Variants in CTNNA2 observed in about 807,000 individuals in gnomAD.
CTNNA2 encodes catenin alpha-2.
In CTNNA2, 42 loss-of-function variants were observed where a neutral mutation model predicts 101.0. That is an observed-to-expected ratio of 0.42 (90% CI 0.32 to 0.54). CTNNA2 has a LOEUF of 0.54. Among genes scored for constraint, CTNNA2 ranks in the 20% least tolerant of loss-of-function variants. The pLI, the probability that CTNNA2 is intolerant of heterozygous loss-of-function variation, is 0.14. For missense variants in CTNNA2, 871 were observed against 1,223.1 expected (o/e 0.71, Z 4.29); for synonymous variants, 450 against 456.4 (o/e 0.99, Z 0.18).
chr2:80,418,812 G>C (rs1225846549), intron 8 of CTNNA2, among the ~76,000 whole-genome samples: 6 of 152,172 alleles, frequency 3.9e-5, no homozygotes, highest in Non-Finnish European at 7.3e-5. Flanking sequence ...TTTTAACAAT[G>C]TGGGAATGAT....
intron 2 of CTNNA2, among the ~76,000 whole-genome samples, chr2:79,272,451 A>G (rs560025887): frequency 2.6e-4 from 40 of 152,208 alleles, no homozygotes; most frequent in South Asian, 4.1e-4. Flanking sequence ...ACATCACATA[A>G]TGTTCCTAGC....
chr2:80,475,605 G>A (rs771715212), intron 9 of CTNNA2, among the ~76,000 whole-genome samples: 1 of 152,086 alleles, frequency 6.6e-6, no homozygotes, highest in Non-Finnish European at 1.5e-5. Context: ...GTGGAGGTGG[G>A]AGATTAGGTG....
chr2:79,536,574 A>AGTGTGT lies in CTNNA2; in HGVS notation c.-6+23390_-6+23395dup, dbSNP rs61029469. On this transcript the variant is annotated intron_variant, in intron 1 of 18. Coordinates refer to ENST00000402739, the MANE Select transcript of CTNNA2 (RefSeq NM_001282597.3). ...ATATACACCTAAATATCTCTAAAGA[A>AGTGTGT]GTGTGTGTGTGTGTGTGTGTGTGTG... 3.2e-4 allele frequency among the ~76,000 whole-genome samples: 47 copies of AGTGTGT among 146,808 alleles called. 1 individual carries two copies. In the South Asian group the frequency reaches 4.4e-3, roughly 14 times the overall value.
chr2:79,715,395 A>G (rs1420701601), intron 2 of CTNNA2, among the ~76,000 whole-genome samples: 1 of 152,152 alleles, frequency 6.6e-6, no homozygotes, highest in Non-Finnish European at 1.5e-5. Flanking sequence ...GAACAGAAAT[A>G]CAGACAGGTA....
chr2:79,953,141 C>A (rs1689001098), intron 7 of CTNNA2, among the ~76,000 whole-genome samples: 1 of 152,142 alleles, frequency 6.6e-6, no homozygotes, highest in Non-Finnish European at 1.5e-5. Context: ...ACTTCCATCC[C>A]CTCTGTCCTT....
At chr2:79,616,184 A>G (rs1678603487) in intron 1 of CTNNA2, among the ~76,000 whole-genome samples, 1 of 152,196 alleles carries the variant, frequency 6.6e-6, no homozygotes, top group South Asian at 2.1e-4. Flanking sequence ...GTTAAAAGTA[A>G]TAGGATAGGT....
intron 7 of CTNNA2, among the ~76,000 whole-genome samples, chr2:80,193,803 A>G (rs993617531): frequency 1.2e-4 from 19 of 152,056 alleles, no homozygotes; most frequent in African/African-American, 4.6e-4. Flanking sequence ...CTTTTCCCAT[A>G]TCCAGCTGTT....
chr2:79,208,070 C>A (rs1328824617), intron 2 of CTNNA2, among the ~76,000 whole-genome samples: 1 of 152,196 alleles, frequency 6.6e-6, no homozygotes, highest in Non-Finnish European at 1.5e-5. Flanking sequence ...TCTCCCTTCT[C>A]CCTCCTGATT....
chr2:79,808,153 A>G (rs1442858550), intron 3 of CTNNA2, among the ~76,000 whole-genome samples: 1 of 152,190 alleles, frequency 6.6e-6, no homozygotes, highest in Non-Finnish European at 1.5e-5. Context: ...TTTGTCTTCA[A>G]ATTCTTGCCC....
At chr2:79,829,190 A>G (rs1184688977) in intron 3 of CTNNA2, among the ~76,000 whole-genome samples, 1 of 152,096 alleles carries the variant, frequency 6.6e-6, no homozygotes, top group Non-Finnish European at 1.5e-5. Context: ...CTGTAGGAGG[A>G]ATACAGAAGG....
chr2:79,709,346 A>C (rs952257142), intron 2 of CTNNA2, among the ~76,000 whole-genome samples: 1 of 152,158 alleles, frequency 6.6e-6, no homozygotes, highest in Admixed American at 6.5e-5. Context: ...AGAAAAAACA[A>C]TTACTTATTT....
At chr2:79,470,231 C>T (rs1322899335) in intron 4 of CTNNA2, among the ~76,000 whole-genome samples, 4 of 152,148 alleles carry the variant, frequency 2.6e-5, no homozygotes, top group Non-Finnish European at 4.4e-5. Context: ...CAAAAGCTTT[C>T]CCAGATAATG....
chr2:80,139,071 T>C (rs896182835), intron 7 of CTNNA2, among the ~76,000 whole-genome samples: 1 of 152,170 alleles, frequency 6.6e-6, no homozygotes, highest in South Asian at 2.1e-4. Flanking sequence ...AAATTGCAAG[T>C]GAAAAGTATT....
chr2:80,208,383 A>G (rs1262192251), intron 7 of CTNNA2, among the ~76,000 whole-genome samples: 1 of 152,236 alleles, frequency 6.6e-6, no homozygotes, highest in Non-Finnish European at 1.5e-5. Context: ...AATAGTGGCT[A>G]CCAAAATGTT....
intron 7 of CTNNA2, among the ~76,000 whole-genome samples, chr2:80,317,059 T>G (rs947885143): frequency 8.6e-5 from 13 of 151,870 alleles, no homozygotes; most frequent in African/African-American, 3.1e-4. Flanking sequence ...TGCCATGAGA[T>G]ATGCATACCA....
At chr2:79,700,695 C>A (rs1278928715) in intron 2 of CTNNA2, among the ~76,000 whole-genome samples, 1 of 152,128 alleles carries the variant, frequency 6.6e-6, no homozygotes, top group Non-Finnish European at 1.5e-5. Context: ...TGTTTATTAA[C>A]ACCACCCAGG....
intron 1 of CTNNA2, among the ~76,000 whole-genome samples, chr2:79,633,228 C>T (rs1012794612): frequency 6.6e-6 from 1 of 152,144 alleles, no homozygotes; most frequent in Non-Finnish European, 1.5e-5. Context: ...GCTTTCCATC[C>T]TTCTACTCTG....
intron 3 of CTNNA2, among the ~76,000 whole-genome samples, chr2:79,854,614 G>A (rs1363304191): frequency 6.6e-6 from 1 of 152,128 alleles, no homozygotes; most frequent in Non-Finnish European, 1.5e-5. Context: ...CCTTTATATA[G>A]AAGCACTACA....
intron 9 of CTNNA2, among the ~76,000 whole-genome samples, chr2:80,449,322 A>AATAC (rs1683311406): frequency 6.6e-6 from 1 of 151,510 alleles, no homozygotes; most frequent in African/African-American, 2.4e-5. Flanking sequence ...TAAATAAATA[A>AATAC]ATACACTAAA....
Sources: allele counts gnomAD v4.1 joint callset (sites outside exome capture counted in the v4.1 genomes callset), GRCh38; gene constraint gnomAD v4.1.1; transcripts MANE v1.5; gene names NCBI Gene and HGNC (gene_info 2026-07-23, HGNC 2026-07-21).